ITIH5: variants seen among roughly 807,000 people sequenced by gnomAD.
ITIH5 encodes the protein inter-alpha-trypsin inhibitor heavy chain 5.
ITIH5 carries 65 observed loss-of-function variants against 77.5 expected under a neutral mutation model. The observed-to-expected ratio is 0.84, with a 90% CI of 0.69 to 1.03. ITIH5 has a LOEUF of 1.03. Among genes scored for constraint, ITIH5 ranks in the 50% least tolerant of loss-of-function variants. The pLI, the probability that ITIH5 is intolerant of heterozygous loss-of-function variation, is 0.00. For missense variants in ITIH5, 1,208 were observed against 1,213.1 expected, an observed-to-expected ratio of 1.00 and a Z score of 0.06; for synonymous variants, 525 against 494.3, an observed-to-expected ratio of 1.06 and a Z score of -0.82.
intron 2 of ITIH5, among the ~76,000 whole-genome samples, chr10:7,654,002 G>C (rs1834141887): frequency 6.6e-6 from 1 of 152,108 alleles, no homozygotes; most frequent in Non-Finnish European, 1.5e-5. Context: ...TAAAAAAATA[G>C]AAAAATTAGC....
chr10:7,576,952 G>C lies in ITIH5; in HGVS notation c.1479C>G (p.Ser493Arg). ...LSDIRIDYPPSSVVQATKTLF... is the reference protein window; with the variant it reads ...LSDIRIDYPPRSVVQATKTLF... ...GGGTCTTGGTGGCCTGCACCACTGAGCTGGGGGGATAATCGATGCGGATGT... is the reference window on the plus strand; with the variant it reads ...GGGTCTTGGTGGCCTGCACCACTGACCTGGGGGGATAATCGATGCGGATGT... Residue 493 changes from serine (S) to arginine (R), a missense_variant, in exon 10 of 14, where the codon AGC (serine) becomes AGG (arginine). Transcript: ENST00000397146. 1 of 1,614,138 alleles carries C rather than the reference G, an allele frequency of 6.2e-7. No homozygotes were observed. Among genetic ancestry groups the C allele is most frequent in the Admixed American group, 1.7e-5 (1 of 60,024 alleles).
In ITIH5 at chr10:7,566,296, G is replaced by T; in HGVS notation, c.2261C>A (p.Ser754Tyr). The T allele has an allele frequency of 6.2e-7, 1 of 1,613,866 alleles. No individual in the cohort carries two copies. The highest frequency in any genetic ancestry group is 1.1e-5 in the South Asian group (1 of 90,982). Residue 754 changes from serine to tyrosine, a missense_variant, in exon 13 of 14, where the codon TCT becomes TAT. Physicochemically the swap from Ser to Tyr is moderately radical, Grantham distance 144 (BLOSUM62 -2). Coordinates refer to ENST00000397146, the MANE Select transcript of ITIH5 (RefSeq NM_030569.7). ...TCTGCTCGGTGTGATCTCGAGATAA[G>T]ATCTCTCTGGCTTGTTGATGAGGAT... ...ITILINKPER[S>Y]YLEITPSRVI...
chr10:7,614,610 G>A (rs1833327548), intron 7 of ITIH5, among the ~76,000 whole-genome samples: 1 of 152,118 alleles, frequency 6.6e-6, no homozygotes, highest in Non-Finnish European at 1.5e-5. Flanking sequence ...AAAGACAATA[G>A]TTAAACCCTA....
Position 7,566,106 on chromosome 10 carries a change from C to T in ITIH5, c.2451G>A (p.Ala817=), listed in dbSNP as rs565659625. ...AACCCAGGTGGTGTCGCTGGAAGGG[C>T]GCCGGCTTTTTGTAGAGGTGGATGA... The part of the protein sequence containing the change: ...VILIHLYKKP[A]PFQRHHLGFY... The change falls in exon 13 of 14, where the codon GCG becomes GCA. Residue 817 remains alanine, a synonymous_variant. Coordinates refer to ENST00000397146, the MANE Select transcript of ITIH5 (RefSeq NM_030569.7). 5.0e-6 allele frequency: 8 copies of T among 1,614,040 alleles called. No homozygotes were observed. The highest frequency in any genetic ancestry group is 2.2e-5 in the South Asian group (2 of 91,080).
chr10:7,629,068 CCCATGTTGTAGCGTGTAT>C (rs1833652671), intron 5 of ITIH5, among the ~76,000 whole-genome samples: 5 of 38,420 alleles, frequency 1.3e-4, no homozygotes, highest in African/African-American at 4.6e-4. Context: ...GTAGCGTGTG[CCCATGTTGTAGCGTGTAT>C]CCATGTTGTA....
In ITIH5 at chr10:7,648,192, G is replaced by A. The variant is rs112610747; in HGVS notation, c.136-6102C>T. Among the ~76,000 whole-genome samples, 439 of 151,778 alleles carry A rather than the reference G, an allele frequency of 2.9e-3. 2 individuals carry two copies. The highest frequency in any genetic ancestry group is 5.1e-3 in the Admixed American group (77 of 15,242). ...CTGGGAAGCAGAGCTTCCAGTGAGC[G>A]GAGATCACACCACTGCACTCCAGCC... On this transcript the variant is annotated intron_variant, in intron 2 of 13. Coordinates refer to ENST00000397146, the MANE Select transcript of ITIH5 (RefSeq NM_030569.7).
chr10:7,583,885 C>T (rs1832618807), intron 8 of ITIH5, among the ~76,000 whole-genome samples: 1 of 152,202 alleles, frequency 6.6e-6, no homozygotes, highest in South Asian at 2.1e-4. Context: ...TGAAAACAGA[C>T]AGGAGCTGTC....
intron 2 of ITIH5, among the ~76,000 whole-genome samples, chr10:7,647,079 T>G (rs950664069): frequency 2.0e-5 from 3 of 152,220 alleles, no homozygotes; most frequent in Non-Finnish European, 4.4e-5. Context: ...TGCATAGTAT[T>G]ACATTTTATG....
At chr10:7,596,478 C>T (rs1418787413) in intron 7 of ITIH5, among the ~76,000 whole-genome samples, 1 of 152,154 alleles carries the variant, frequency 6.6e-6, no homozygotes, top group Admixed American at 6.5e-5. Context: ...GGAACTAACC[C>T]TGACACAAAA....
intron 8 of ITIH5, among the ~76,000 whole-genome samples, chr10:7,583,894 T>C (rs1832619217): frequency 6.6e-6 from 1 of 152,124 alleles, no homozygotes; most frequent in Non-Finnish European, 1.5e-5. Context: ...ACAGGAGCTG[T>C]CATCAAAGGA....
At chr10:7,608,727 GCA>G (rs1203967242) in intron 7 of ITIH5, among the ~76,000 whole-genome samples, 1 of 152,184 alleles carries the variant, frequency 6.6e-6, no homozygotes, top group African/African-American at 2.4e-5. Flanking sequence ...CCATCTGCAC[GCA>G]CACTCGGATG....
chr10:7,580,704 G>A lies in ITIH5; in HGVS notation c.1109-640C>T, dbSNP rs191124401. Among the ~76,000 whole-genome samples, 52 of 152,308 alleles carry A rather than the reference G, an allele frequency of 3.4e-4. 1 individual carries two copies. The South Asian group carries it at 3.5e-3, about 10-fold the overall frequency. ...CAGCAGGAATGTGGAGGGAGAAAGA[G>A]CCGCAGAGGGGAGGAGGGGCATGGA... On this transcript the variant is annotated intron_variant, in intron 8 of 13. Transcript: ENST00000397146.
chr10:7,564,777 T>C (rs1832106165), intron 13 of ITIH5, among the ~76,000 whole-genome samples: 1 of 151,352 alleles, frequency 6.6e-6, no homozygotes, highest in African/African-American at 2.4e-5. Flanking sequence ...TGTGTATGTG[T>C]ACACACACAC....
At chr10:7,585,853 AC>A in intron 8 of ITIH5, 47 bp downstream of exon 8, 31 of 1,508,424 alleles carry the variant, frequency 2.1e-5, no homozygotes, top group Admixed American at 4.5e-5. Context: ...AAAAAAAAAA[AC>A]ATTATTTCAA....
intron 9 of ITIH5, chr10:7,578,680 TA>T (rs1832474526): frequency 6.6e-6 from 1 of 152,212 alleles, no homozygotes; most frequent in African/African-American, 2.4e-5. Flanking sequence ...CTATGGCTAT[TA>T]AACACCTATA....
Position 7,576,839 on chromosome 10 carries a change from G to T in ITIH5, c.1592C>A (p.Thr531Asn). The T allele has an allele frequency of 6.2e-7, 1 of 1,614,164 alleles. No individual in the cohort carries two copies. The highest frequency in any genetic ancestry group is 8.5e-7 in the Non-Finnish European group (1 of 1,180,028). Residue 531 changes from threonine to asparagine, a missense_variant, in exon 10 of 14, where the codon ACC becomes AAC. Thr to Asn is a moderately conservative substitution (Grantham distance 65). Transcript: ENST00000397146. ...GATGAATTTCTTACTGTTGCTGGCG[G>T]TGACCTCCACGTGCAGGTGATCCAG... is the stretch of plus-strand genomic sequence containing the variant. ...RKLDHLHVEV[T>N]ASNSKKFIIL... is the part of the protein sequence containing the mutation.
chr10:7,660,009 G>A (rs1212111980), intron 1 of ITIH5, among the ~76,000 whole-genome samples: 3 of 152,130 alleles, frequency 2.0e-5, no homozygotes, highest in Non-Finnish European at 2.9e-5. Flanking sequence ...AGCCATCTTA[G>A]AGCTTCCACT....
intron 2 of ITIH5, among the ~76,000 whole-genome samples, chr10:7,650,952 T>G (rs572530033): frequency 6.6e-6 from 1 of 152,182 alleles, no homozygotes; most frequent in African/African-American, 2.4e-5. Flanking sequence ...GCCATTTTTA[T>G]TTTTATACAA....
chr10:7,646,154 C>T (rs369590807), intron 2 of ITIH5, among the ~76,000 whole-genome samples: 1 of 152,132 alleles, frequency 6.6e-6, no homozygotes, highest in Non-Finnish European at 1.5e-5. Context: ...ACCACTGCAC[C>T]CAGCTCTGAT....
Sources: gnomAD v4.1 joint callset for allele counts (sites outside exome capture counted in the v4.1 genomes callset) on GRCh38, gnomAD v4.1.1 for gene constraint, MANE v1.5 for transcripts, NCBI Gene and HGNC (gene_info 2026-07-23, HGNC 2026-07-21) for gene names.